SPOCK1: variants seen among roughly 807,000 people sequenced by gnomAD.
SPOCK1 encodes SPARC (osteonectin), cwcv and kazal like domains proteoglycan 1.
A neutral mutation model predicts 55.3 loss-of-function variants in SPOCK1; 23 were observed. The ratio of observed to expected loss-of-function variants is 0.42; its 90% CI spans 0.30 to 0.59. SPOCK1 has a LOEUF of 0.59. Among genes scored for constraint, SPOCK1 ranks in the 20% least tolerant of loss-of-function variants. The probability of loss-of-function intolerance (pLI) is 0.22; values close to 1 mark genes in which losing one functional copy is unlikely to be tolerated. For synonymous variants in SPOCK1, 226 were observed against 221.0 expected, an observed-to-expected ratio of 1.02 and a Z score of -0.20; for missense variants, 499 against 552.5, an observed-to-expected ratio of 0.90 and a Z score of 0.97.
At chr5:137,456,098 G>T (rs776842135) in intron 2 of SPOCK1, among the ~76,000 whole-genome samples, 1 of 152,052 alleles carries the variant, frequency 6.6e-6, no homozygotes, top group Non-Finnish European at 1.5e-5. Context: ...AGGAGGAAAA[G>T]AATTCAGAGA....
intron 2 of SPOCK1, among the ~76,000 whole-genome samples, chr5:137,482,694 AAAG>A (rs1753974983): frequency 1.3e-5 from 2 of 152,214 alleles, no homozygotes; most frequent in Non-Finnish European, 2.9e-5. Context: ...AGCAGATGAA[AAAG>A]AAGCAAGCTG....
intron 2 of SPOCK1, among the ~76,000 whole-genome samples, chr5:137,428,794 T>C (rs2149828198): frequency 6.6e-6 from 1 of 152,248 alleles, no homozygotes; most frequent in East Asian, 1.9e-4. Context: ...TCCTCCACCT[T>C]AAAGTAAAAC....
At chr5:137,375,955 C>T (rs1265360472) in intron 2 of SPOCK1, among the ~76,000 whole-genome samples, 4 of 152,206 alleles carry the variant, frequency 2.6e-5, no homozygotes, top group Non-Finnish European at 4.4e-5. Flanking sequence ...TGCTCCCTTC[C>T]TCTGCGCCTA....
At chr5:137,239,635 T>C (rs1368953565) in intron 3 of SPOCK1, among the ~76,000 whole-genome samples, 3 of 152,100 alleles carry the variant, frequency 2.0e-5, no homozygotes, top group Non-Finnish European at 2.9e-5. Flanking sequence ...AGGACACCAG[T>C]TAATGTCCAC....
intron 2 of SPOCK1, among the ~76,000 whole-genome samples, chr5:137,293,516 G>C (rs1011196332): frequency 6.6e-6 from 1 of 152,156 alleles, no homozygotes; most frequent in Non-Finnish European, 1.5e-5. Flanking sequence ...GCAGATCCCT[G>C]GGACTTACCC....
At chr5:137,079,533 T>TCCCCCC (rs59775905) in intron 5 of SPOCK1, among the ~76,000 whole-genome samples, 2 of 38,598 alleles carry the variant, frequency 5.2e-5, no homozygotes, top group Non-Finnish European at 8.6e-5. Flanking sequence ...CCCATCTGAT[T>TCCCCCC]CCCCCCCCCC....
chr5:137,439,430 T>C (rs1339005436), intron 2 of SPOCK1, among the ~76,000 whole-genome samples: 1 of 152,170 alleles, frequency 6.6e-6, no homozygotes, highest in Non-Finnish European at 1.5e-5. Flanking sequence ...CCCAAAAGGC[T>C]GAAAAGCTCA....
intron 2 of SPOCK1, among the ~76,000 whole-genome samples, chr5:137,441,548 T>G (rs1753008290): frequency 6.6e-6 from 1 of 152,332 alleles, no homozygotes; most frequent in Admixed American, 6.5e-5. Context: ...AATGTGTATT[T>G]GCAGGGCTCC....
At chr5:137,054,679 AAGG>A (rs746034601) in intron 6 of SPOCK1, among the ~76,000 whole-genome samples, 2 of 152,272 alleles carry the variant, frequency 1.3e-5, no homozygotes, top group Non-Finnish European at 2.9e-5. Flanking sequence ...GTAAACCAAG[AAGG>A]AGGTCAGTCT....
intron 3 of SPOCK1, among the ~76,000 whole-genome samples, chr5:137,221,941 T>C (rs992719407): frequency 3.9e-5 from 6 of 152,194 alleles, no homozygotes; most frequent in Non-Finnish European, 7.4e-5. Flanking sequence ...ACTGGGTTTG[T>C]TTCTGTCTGA....
chr5:137,333,622 G>T (rs974799580), intron 2 of SPOCK1, among the ~76,000 whole-genome samples: 1 of 152,176 alleles, frequency 6.6e-6, no homozygotes, highest in East Asian at 1.9e-4. Context: ...TTATCTGCAG[G>T]CCAAGACAGT....
chr5:137,234,457 A>T (rs925465028), intron 3 of SPOCK1, among the ~76,000 whole-genome samples: 2 of 152,096 alleles, frequency 1.3e-5, no homozygotes, highest in African/African-American at 4.8e-5. Flanking sequence ...TACCACTTTC[A>T]TCATTCTCTT....
chr5:137,417,871 G>C (rs976507383), intron 2 of SPOCK1, among the ~76,000 whole-genome samples: 1 of 152,104 alleles, frequency 6.6e-6, no homozygotes, highest in African/African-American at 2.4e-5. Flanking sequence ...TGTTACATAT[G>C]TATACATGTG....
intron 6 of SPOCK1, among the ~76,000 whole-genome samples, chr5:137,043,710 G>C (rs959921753): frequency 2.0e-5 from 3 of 152,152 alleles, no homozygotes. Context: ...AATCCTAATT[G>C]AGGGACATTT....
At position 137,136,317 on chromosome 5, in the gene SPOCK1, T is replaced by C. The variant is rs1753985463; in HGVS notation, c.347+4263A>G. Among the ~76,000 whole-genome samples, 3 of 152,296 alleles carry C rather than the reference T, an allele frequency of 2.0e-5. No homozygotes were observed. The East Asian group carries it at 5.8e-4, about 29-fold the overall frequency. ...TGATTAAAATGTATAACTATATTGC[T>C]TGAGCCCAGGAGTTCAAGGTTACAG... On this transcript the variant is annotated intron_variant, in intron 4 of 10. Transcript: ENST00000394945.
At chr5:137,056,987 C>T (rs1752314052) in intron 6 of SPOCK1, among the ~76,000 whole-genome samples, 1 of 152,164 alleles carries the variant, frequency 6.6e-6, no homozygotes. Context: ...TACTACATCA[C>T]TGGGAAACTT....
At chr5:137,400,532 G>A (rs1751951894) in intron 2 of SPOCK1, among the ~76,000 whole-genome samples, 1 of 152,128 alleles carries the variant, frequency 6.6e-6, no homozygotes, top group African/African-American at 2.4e-5. Flanking sequence ...AAATCTGCAA[G>A]CTATGCTGTA....
At chr5:137,145,390 A>G (rs1456763020) in intron 3 of SPOCK1, among the ~76,000 whole-genome samples, 1 of 152,110 alleles carries the variant, frequency 6.6e-6, no homozygotes, top group African/African-American at 2.4e-5. Context: ...AGCTACATTG[A>G]TTTTAAAATC....
chr5:137,093,484 G>A (rs901649879), intron 5 of SPOCK1, among the ~76,000 whole-genome samples: 3 of 152,210 alleles, frequency 2.0e-5, no homozygotes, highest in African/African-American at 7.2e-5. Context: ...ACGGAAATAA[G>A]ATAGACATGG....
Sources: allele counts gnomAD v4.1 joint callset (sites outside exome capture counted in the v4.1 genomes callset), GRCh38; gene constraint gnomAD v4.1.1; transcripts MANE v1.5; gene names NCBI Gene and HGNC (gene_info 2026-07-23, HGNC 2026-07-21).